Variants in WWOX observed in about 807,000 individuals in gnomAD.
The protein encoded by WWOX is WW domain-containing oxidoreductase.
WWOX carries 69 observed loss-of-function variants against 46.2 expected under a neutral mutation model. That is an observed-to-expected ratio of 1.49 (90% CI 1.23 to 1.82). WWOX has a LOEUF of 1.82. WWOX is among the 40% of genes most tolerant of loss of function. WWOX has a pLI of 0.00. For synonymous variants in WWOX, 359 were observed against 202.6 expected (o/e 1.77, Z -6.56); for missense variants, 919 against 542.6 (o/e 1.69, Z -6.89).
At chr16:79,163,276 C>G (rs1597435432) in intron 8 of WWOX, among the ~76,000 whole-genome samples, 2 of 152,218 alleles carry the variant, frequency 1.3e-5, no homozygotes, top group Admixed American at 6.5e-5. Flanking sequence ...TAAACATTAG[C>G]AGGGTGGTTA....
At chr16:79,047,787 G>C (rs1394700797) in intron 8 of WWOX, among the ~76,000 whole-genome samples, 2 of 148,980 alleles carry the variant, frequency 1.3e-5, no homozygotes, top group East Asian at 4.0e-4. Context: ...TCTTGGTTGC[G>C]ATCTGATGAC....
intron 8 of WWOX, among the ~76,000 whole-genome samples, chr16:79,067,456 A>C (rs1426285145): frequency 6.6e-6 from 1 of 151,826 alleles, no homozygotes; most frequent in Non-Finnish European, 1.5e-5. Flanking sequence ...GCTTCCCTCC[A>C]CCTGAGATGC....
chr16:78,812,651 A>G (rs1023327899), intron 8 of WWOX, among the ~76,000 whole-genome samples: 1 of 152,096 alleles, frequency 6.6e-6, no homozygotes, highest in African/African-American at 2.4e-5. Context: ...ACTTGAACCC[A>G]GGAGGCGAAG....
intron 8 of WWOX, among the ~76,000 whole-genome samples, chr16:78,624,321 C>G (rs1311285439): frequency 3.3e-5 from 5 of 151,172 alleles, no homozygotes; most frequent in Admixed American, 2.6e-4. Context: ...CAAAGTTTCT[C>G]TGCCTCCTTT....
At chr16:78,846,211 C>G (rs1395880854) in intron 8 of WWOX, among the ~76,000 whole-genome samples, 1 of 152,184 alleles carries the variant, frequency 6.6e-6, no homozygotes, top group Non-Finnish European at 1.5e-5. Context: ...CCCATGTACT[C>G]TTCACTCAGC....
intron 8 of WWOX, among the ~76,000 whole-genome samples, chr16:78,889,146 A>G (rs2044532548): frequency 1.3e-5 from 2 of 152,172 alleles, no homozygotes; most frequent in African/African-American, 4.8e-5. Context: ...CTTCAGGAAT[A>G]CGGCTTAATA....
chr16:78,307,700 T>A (rs2151871724), intron 5 of WWOX, among the ~76,000 whole-genome samples: 1 of 152,276 alleles, frequency 6.6e-6, no homozygotes, highest in Middle Eastern at 3.4e-3. Context: ...AGAGCAGTGA[T>A]CAGAAACTCA....
At chr16:78,623,734 CAAA>C (rs10543154) in intron 8 of WWOX, among the ~76,000 whole-genome samples, 97,484 of 141,724 alleles carry the variant, frequency 0.69, 32,684 homozygotes, top group African/African-American at 0.75. Context: ...GACTCTGTCT[CAAA>C]AAAAAAAAAA....
chr16:78,528,412 C>A (rs1165550965), intron 8 of WWOX, among the ~76,000 whole-genome samples: 3 of 151,776 alleles, frequency 2.0e-5, no homozygotes, highest in Non-Finnish European at 2.9e-5. Context: ...CACCAAAGCC[C>A]ATCCAGAAAG....
intron 8 of WWOX, among the ~76,000 whole-genome samples, chr16:78,563,139 A>T (rs1348951552): frequency 1.3e-5 from 2 of 152,230 alleles, no homozygotes; most frequent in Non-Finnish European, 2.9e-5. Context: ...AGCCAAGAGC[A>T]GTGCGATTTC....
chr16:78,183,326 G>A (rs1370299800), intron 5 of WWOX, among the ~76,000 whole-genome samples: 1 of 152,150 alleles, frequency 6.6e-6, no homozygotes, highest in Non-Finnish European at 1.5e-5. Context: ...AAGAATATTC[G>A]GGCAAGAGCA....
chr16:78,581,203 T>C (rs1053457615), intron 8 of WWOX, among the ~76,000 whole-genome samples: 2 of 152,198 alleles, frequency 1.3e-5, no homozygotes, highest in Admixed American at 1.3e-4. Context: ...AGGAAAAAGT[T>C]ACATATGGTC....
chr16:78,375,471 G>T (rs1297365705), intron 5 of WWOX, among the ~76,000 whole-genome samples: 1 of 152,208 alleles, frequency 6.6e-6, no homozygotes, highest in Admixed American at 6.5e-5. Context: ...AGCCTGTCCT[G>T]AAAACGTGCT....
At chr16:78,652,533 C>T (rs146205557) in intron 8 of WWOX, among the ~76,000 whole-genome samples, 1 of 152,008 alleles carries the variant, frequency 6.6e-6, no homozygotes, top group Non-Finnish European at 1.5e-5. Context: ...TTATGCAGAC[C>T]CCTCAGCAGT....
chr16:78,562,981 A>T (rs1229485691), intron 8 of WWOX, among the ~76,000 whole-genome samples: 2 of 145,236 alleles, frequency 1.4e-5, no homozygotes, highest in Admixed American at 1.3e-4. Context: ...AGCTTTACAG[A>T]TGTTCTTTTT....
intron 8 of WWOX, among the ~76,000 whole-genome samples, chr16:78,746,423 A>G (rs1431679260): frequency 1.3e-5 from 2 of 152,126 alleles, no homozygotes; most frequent in East Asian, 3.9e-4. Flanking sequence ...AACTGAGCCC[A>G]GGAGTTTAAG....
rs1300620964 is a variant in WWOX at position 78,560,653 on chromosome 16, TAATGATAATAATGTTAC to T, written c.1056+127905_1056+127921del. Among the ~76,000 whole-genome samples, 158 of 152,088 alleles carry T rather than the reference TAATGATAATAATGTTAC, an allele frequency of 1.0e-3. 2 individuals carry two copies. The highest frequency in any genetic ancestry group is 3.6e-3 in the African/African-American group (151 of 41,474). On this transcript the variant is annotated intron_variant, in intron 8 of 8. Transcript: ENST00000566780. ...GAGTGAAACTCTGTCTCAAAAAAATTAATGATAATAATGTTACAATAATAATAATGTTAGTGATACAT... is the reference window on the plus strand; with the variant it reads ...GAGTGAAACTCTGTCTCAAAAAAATTAATAATAATAATGTTAGTGATACAT...
At chr16:78,381,944 C>G (rs937213293) in intron 5 of WWOX, among the ~76,000 whole-genome samples, 1 of 152,342 alleles carries the variant, frequency 6.6e-6, no homozygotes, top group Admixed American at 6.5e-5. Context: ...TGTCTCACGG[C>G]AGCCTCGACT....
intron 8 of WWOX, among the ~76,000 whole-genome samples, chr16:78,798,139 C>G (rs968948399): frequency 4.6e-5 from 7 of 152,146 alleles, no homozygotes; most frequent in Non-Finnish European, 8.8e-5. Flanking sequence ...AAGGACAGAG[C>G]TTGGACCAGA....
Sources: gnomAD v4.1 joint callset for allele counts (sites outside exome capture counted in the v4.1 genomes callset) on GRCh38, gnomAD v4.1.1 for gene constraint, MANE v1.5 for transcripts, NCBI Gene and HGNC (gene_info 2026-07-23, HGNC 2026-07-21) for gene names.